Variants in KALRN observed in about 807,000 individuals in gnomAD.
The protein encoded by KALRN is kalirin.
KALRN carries 70 observed loss-of-function variants against 353.7 expected under a neutral mutation model. That is an observed-to-expected ratio of 0.20 (90% confidence interval 0.16 to 0.24). KALRN has a LOEUF of 0.24. Ranked by LOEUF, KALRN falls within the 10% of genes least tolerant of loss-of-function variation. KALRN has a pLI of 1.00. For missense variants in KALRN, 2,791 were observed against 3,756.7 expected (o/e 0.74, Z 6.72); for synonymous variants, 1,391 against 1,434.8 (o/e 0.97, Z 0.69).
At chr3:124,518,986 A>G in intron 33 of KALRN, 1 of 990,372 alleles carries the variant, frequency 1.0e-6, no homozygotes, top group Non-Finnish European at 1.2e-6. Flanking sequence ...AGAAGGGATG[A>G]TGTGTGGTAG....
chr3:124,408,900 A>C (rs1041521836), intron 13 of KALRN, among the ~76,000 whole-genome samples: 3 of 152,208 alleles, frequency 2.0e-5, no homozygotes, highest in Non-Finnish European at 4.4e-5. Context: ...AACTCCTATG[A>C]AGCAAATTTT....
chr3:124,658,231 T>A (rs1424938738), intron 41 of KALRN, among the ~76,000 whole-genome samples, 200 bp from the exon 42 acceptor site: 2 of 152,190 alleles, frequency 1.3e-5, no homozygotes, highest in East Asian at 3.8e-4. Context: ...CTCTCTAAGT[T>A]TTTTTGTTTT....
At chr3:124,624,218 A>T (rs942789577) in intron 34 of KALRN, among the ~76,000 whole-genome samples, 1 of 152,180 alleles carries the variant, frequency 6.6e-6, no homozygotes, top group Non-Finnish European at 1.5e-5. Context: ...TAGCTGCCTC[A>T]GTTATCGGAT....
At chr3:124,393,922 A>G (rs2089826945) in intron 11 of KALRN, among the ~76,000 whole-genome samples, 1 of 152,094 alleles carries the variant, frequency 6.6e-6, no homozygotes, top group African/African-American at 2.4e-5. Context: ...GTCTCTCTAT[A>G]TTTTTTTAAT....
At chr3:124,049,727 A>C (rs2040851909) in intron 1 of KALRN, among the ~76,000 whole-genome samples, 1 of 152,200 alleles carries the variant, frequency 6.6e-6, no homozygotes, top group Non-Finnish European at 1.5e-5. Flanking sequence ...GAAAAGAGAC[A>C]TGTGTATGAG....
At chr3:124,102,214 A>G (rs2061928642) in intron 1 of KALRN, among the ~76,000 whole-genome samples, 1 of 152,150 alleles carries the variant, frequency 6.6e-6, no homozygotes, top group Non-Finnish European at 1.5e-5. Flanking sequence ...AGATCACTTT[A>G]CTAAAGGGAC....
intron 25 of KALRN, among the ~76,000 whole-genome samples, chr3:124,464,857 CAAAAAAAAA>C (rs4048324): frequency 1.1e-5 from 1 of 87,366 alleles, no homozygotes; most frequent in Non-Finnish European, 2.5e-5. Context: ...GCAATAGAAC[CAAAAAAAAA>C]AAAAAAAAAA....
At chr3:124,436,065 TAC>T (rs1230215593) in intron 17 of KALRN, among the ~76,000 whole-genome samples, 4 of 152,176 alleles carry the variant, frequency 2.6e-5, no homozygotes, top group African/African-American at 9.6e-5. Context: ...TCCACATATA[TAC>T]AGTCAGTTGA....
intron 1 of KALRN, among the ~76,000 whole-genome samples, chr3:124,195,127 T>C (rs1012622140): frequency 2.6e-5 from 4 of 152,102 alleles, no homozygotes. Context: ...AAAGAAGTAA[T>C]GAAGAGGGAG....
At chr3:124,497,508 T>G (rs1176176265) in intron 33 of KALRN, among the ~76,000 whole-genome samples, 2 of 152,204 alleles carry the variant, frequency 1.3e-5, no homozygotes. Context: ...CCGAACCTGC[T>G]GAAATTATGG....
At chr3:124,509,553 A>T (rs1424654209) in intron 33 of KALRN, among the ~76,000 whole-genome samples, 1 of 152,244 alleles carries the variant, frequency 6.6e-6, no homozygotes, top group South Asian at 2.1e-4. Flanking sequence ...TTCTCCACAG[A>T]ATAGTGTACC....
intron 5 of KALRN, among the ~76,000 whole-genome samples, chr3:124,285,253 A>G (rs1212701572): frequency 6.6e-6 from 1 of 152,180 alleles, no homozygotes; most frequent in East Asian, 1.9e-4. Context: ...CTCTAGAAGG[A>G]GTAGTATATC....
rs1561137048 is a variant in KALRN, at chr3:124,495,994, T to TAC, written c.4833-316_4833-315insCA. On this transcript the variant is annotated intron_variant, in intron 32 of 59. Transcript: ENST00000682506. ...ATATATATATATATATATATATATATATATATATATATATATATACACACA... is the reference window on the plus strand; with the variant it reads ...ATATATATATATATATATATATATATACATATATATATATATATATACACACA... Among the ~76,000 whole-genome samples the TAC allele has an allele frequency of 1.1e-3, 65 of 57,466 alleles. 3 individuals are homozygous for TAC. The highest frequency in any genetic ancestry group is 6.5e-3 in the African/African-American group (63 of 9,758). The allele number at this position is 57,466 out of a possible 152,430, so 37.7% of individuals were successfully genotyped here.
chr3:124,329,822 C>T (rs774724086), intron 7 of KALRN, 39 bp from the exon 8 acceptor site: 2 of 1,600,216 alleles, frequency 1.2e-6, no homozygotes, highest in East Asian at 2.2e-5. Context: ...TCCTCACCCC[C>T]AGTGCTCCCC....
At chr3:124,561,091 T>A (rs1310587055) in intron 33 of KALRN, among the ~76,000 whole-genome samples, 1 of 152,236 alleles carries the variant, frequency 6.6e-6, no homozygotes, top group African/African-American at 2.4e-5. Context: ...ACCACCTGGT[T>A]ATTGTGAGGA....
chr3:124,495,248 C>T (rs1044584343), intron 32 of KALRN, among the ~76,000 whole-genome samples: 2 of 152,118 alleles, frequency 1.3e-5, no homozygotes, highest in African/African-American at 2.4e-5. Flanking sequence ...GAGAAAATGC[C>T]TTGGCCTTCT....
intron 25 of KALRN, among the ~76,000 whole-genome samples, chr3:124,464,813 G>T (rs1353220350): frequency 2.8e-5 from 4 of 144,990 alleles, no homozygotes; most frequent in Non-Finnish European, 4.5e-5. Flanking sequence ...GATACCAGCA[G>T]CTGTCTAAAG....
At chr3:124,237,161 G>C (rs1579833262) in intron 3 of KALRN, among the ~76,000 whole-genome samples, 1 of 152,200 alleles carries the variant, frequency 6.6e-6, no homozygotes, top group African/African-American at 2.4e-5. Context: ...GATTATATTT[G>C]CCACTTTCTT....
intron 33 of KALRN, among the ~76,000 whole-genome samples, chr3:124,530,574 G>A (rs937637016): frequency 6.6e-6 from 1 of 151,836 alleles, no homozygotes; most frequent in African/African-American, 2.4e-5. Context: ...GTATTTTTTT[G>A]TAGAGATGGG....
Sources: gnomAD v4.1 joint callset for allele counts (sites outside exome capture counted in the v4.1 genomes callset) on GRCh38, gnomAD v4.1.1 for gene constraint, MANE v1.5 for transcripts, NCBI Gene and HGNC (gene_info 2026-07-23, HGNC 2026-07-21) for gene names.